Variants in PIEZO2 observed in about 807,000 individuals in gnomAD.
PIEZO2 encodes the protein piezo type mechanosensitive ion channel component 2, also known as piezo-type mechanosensitive ion channel component 2.
PIEZO2 carries 172 observed loss-of-function variants against 337.3 expected under a neutral mutation model. The ratio of observed to expected loss-of-function variants is 0.51; its 90% CI spans 0.45 to 0.58. The LOEUF is 0.58. PIEZO2 is among the 20% of genes least tolerant of loss of function. The pLI is 0.00. For synonymous variants in PIEZO2, 1,251 were observed against 1,228.5 expected (o/e 1.02, Z -0.38); for missense variants, 3,028 against 3,391.3 (o/e 0.89, Z 2.66).
In PIEZO2 at chr18:10,899,775, C is replaced by T. The variant is rs1001337134; in HGVS notation, c.329+11411G>A. On this transcript the variant is annotated intron_variant, in intron 4 of 55. Coordinates refer to ENST00000674853, the MANE Select transcript of PIEZO2 (RefSeq NM_001378183.1). This position sits in a 1 kb window ranked among gnomAD's most constrained non-coding sequence, Gnocchi z 4.6. Reference sequence around the variant, plus strand: ...ACATATAGTTCATCTCTTCATGCCCCTCATGAAACCTACAATGTTCATGCT... The same window carrying T: ...ACATATAGTTCATCTCTTCATGCCCTTCATGAAACCTACAATGTTCATGCT... Among the ~76,000 whole-genome samples, 1 of 152,176 alleles carries T rather than the reference C, an allele frequency of 6.6e-6. No individual in the cohort carries two copies. The highest frequency in any genetic ancestry group is 6.5e-5 in the Admixed American group (1 of 15,272).
At chr18:11,103,077 C>A (rs374548983) in intron 1 of PIEZO2, among the ~76,000 whole-genome samples, 1 of 152,002 alleles carries the variant, frequency 6.6e-6, no homozygotes, top group South Asian at 2.1e-4. Context: ...GGATGTGTCC[C>A]CCACATAAAA....
Position 10,733,134 on chromosome 18 carries a change from T to G in PIEZO2, c.4915-1613A>C, listed in dbSNP as rs566992703. On this transcript the variant is annotated intron_variant, in intron 35 of 55. Coordinates refer to ENST00000674853, the MANE Select transcript of PIEZO2 (RefSeq NM_001378183.1). The stretch of plus-strand genomic sequence containing the variant: ...GAAGAAGTCTTGTAGAAAGGGTGGG[T>G]GCCATTAACATTTTGGTTTATAAAA... Among the ~76,000 whole-genome samples the G allele has an allele frequency of 9.2e-5, 14 of 152,044 alleles. No homozygotes were observed. In the South Asian group the frequency reaches 1.9e-3, roughly 20 times the overall value.
At chr18:11,067,415 T>C (rs2145922961) in intron 1 of PIEZO2, among the ~76,000 whole-genome samples, 1 of 152,194 alleles carries the variant, frequency 6.6e-6, no homozygotes, top group South Asian at 2.1e-4. Context: ...TGAATGTAAA[T>C]GGATTAAATT....
chr18:11,050,728 A>C (rs981213905), intron 2 of PIEZO2, among the ~76,000 whole-genome samples: 1 of 152,018 alleles, frequency 6.6e-6, no homozygotes, highest in Non-Finnish European at 1.5e-5. Flanking sequence ...AAGCACAGTA[A>C]GCCCCTCCCT....
intron 1 of PIEZO2, among the ~76,000 whole-genome samples, chr18:11,140,468 C>G (rs1429752675): frequency 6.6e-6 from 1 of 152,204 alleles, no homozygotes; most frequent in Non-Finnish European, 1.5e-5. Flanking sequence ...ACCCTAATAC[C>G]CATTCCCACA....
At chr18:11,138,620 A>G (rs2040554661) in intron 1 of PIEZO2, among the ~76,000 whole-genome samples, 1 of 152,194 alleles carries the variant, frequency 6.6e-6, no homozygotes, top group African/African-American at 2.4e-5. Context: ...AATAGCTGCT[A>G]TCTGTATATT....
Position 11,038,745 on chromosome 18 carries a change from G to A in PIEZO2, c.160+27382C>T, listed in dbSNP as rs553890296. On this transcript the variant is annotated intron_variant, in intron 2 of 55. Transcript: ENST00000674853. This position sits in a 1 kb window ranked among gnomAD's most constrained non-coding sequence, Gnocchi z 4.1. The stretch of plus-strand genomic sequence containing the variant: ...ATTTCAATTTCTGCATTGATTAAAT[G>A]TATAATACATGCATACATACAAATA... 6.6e-6 allele frequency among the ~76,000 whole-genome samples: 1 copy of A among 152,254 alleles called. No individual in the cohort carries two copies. Among genetic ancestry groups the A allele is most frequent in the South Asian group, 2.1e-4 (1 of 4,812 alleles).
chr18:10,758,762 A>G (rs143217991), intron 26 of PIEZO2, among the ~76,000 whole-genome samples: 1 of 152,176 alleles, frequency 6.6e-6, no homozygotes, highest in Admixed American at 6.5e-5. Flanking sequence ...CCAAAGCAGA[A>G]GCCACACTGC....
intron 15 of PIEZO2, among the ~76,000 whole-genome samples, chr18:10,787,699 C>T (rs558678057): frequency 6.6e-6 from 1 of 152,254 alleles, no homozygotes; most frequent in Non-Finnish European, 1.5e-5. Flanking sequence ...TAAGAGTATT[C>T]AAAAGTTCAC....
rs190217517 is a variant in PIEZO2 at position 10,784,102 on chromosome 18, A to C, written c.2492+682T>G. Among the ~76,000 whole-genome samples, 2 of 152,314 alleles carry C rather than the reference A, an allele frequency of 1.3e-5. No individual in the cohort carries two copies. The highest frequency in any genetic ancestry group is 4.8e-5 in the African/African-American group (2 of 41,570). ...GGAAAACCATTGTCAGCGTTCACTA[A>C]AAGAATGCTTGTGATCTCCCCGTGA... On this transcript the variant is annotated intron_variant, in intron 17 of 55. Transcript: ENST00000674853. This position sits in a 1 kb window ranked among gnomAD's most constrained non-coding sequence, Gnocchi z 4.5.
intron 11 of PIEZO2, among the ~76,000 whole-genome samples, chr18:10,799,672 G>A (rs1056240854): frequency 7.9e-5 from 12 of 152,004 alleles, no homozygotes; most frequent in Admixed American, 6.6e-4. Context: ...ACAAAAAAAA[G>A]GACTCTTAAA....
chr18:10,923,836 C>T (rs570200439), intron 3 of PIEZO2, among the ~76,000 whole-genome samples: 1 of 152,252 alleles, frequency 6.6e-6, no homozygotes, highest in South Asian at 2.1e-4. Context: ...GCCTTGAATC[C>T]CCACTTGCCT....
In PIEZO2 at chr18:10,979,955, T is replaced by G. The variant is rs1431398692; in HGVS notation, c.161-295A>C. ...AAAAAGGTCCTGGACCAAAACATTTTACAAGGAAGTGCTGCCAACTTTGAA... is the reference window on the plus strand; with the variant it reads ...AAAAAGGTCCTGGACCAAAACATTTGACAAGGAAGTGCTGCCAACTTTGAA... On this transcript the variant is annotated intron_variant, in intron 2 of 55. Coordinates refer to ENST00000674853, the MANE Select transcript of PIEZO2 (RefSeq NM_001378183.1). The surrounding 1 kb of genome is among the most constrained non-coding windows in gnomAD (Gnocchi z 4.0). Among the ~76,000 whole-genome samples, 2 of 152,206 alleles carry G rather than the reference T, an allele frequency of 1.3e-5. No homozygotes were observed. Among genetic ancestry groups the G allele is most frequent in the African/African-American group, 4.8e-5 (2 of 41,452 alleles).
chr18:10,821,366 G>T lies in PIEZO2; in HGVS notation c.918-14092C>A, dbSNP rs2040516401. ...CTAGTTTTCTCTTTGATTATAGGAG[G>T]ATAGCTGGTCTAGTACACTTCACAT... On this transcript the variant is annotated intron_variant, in intron 7 of 55. Coordinates refer to ENST00000674853, the MANE Select transcript of PIEZO2 (RefSeq NM_001378183.1). This position sits in a 1 kb window ranked among gnomAD's most constrained non-coding sequence, Gnocchi z 4.2. Among the ~76,000 whole-genome samples, 1 of 152,096 alleles carries T rather than the reference G, an allele frequency of 6.6e-6. No individual in the cohort carries two copies. Among genetic ancestry groups the T allele is most frequent in the East Asian group, 1.9e-4 (1 of 5,186 alleles).
intron 28 of PIEZO2, among the ~76,000 whole-genome samples, chr18:10,751,747 G>A (rs1200317097): frequency 6.6e-6 from 1 of 152,182 alleles, no homozygotes; most frequent in African/African-American, 2.4e-5. Flanking sequence ...CTGAGACGCA[G>A]GCACAGGGAT....
chr18:10,722,946 A>G (rs1287920388), intron 36 of PIEZO2, among the ~76,000 whole-genome samples: 1 of 148,726 alleles, frequency 6.7e-6, no homozygotes, highest in Non-Finnish European at 1.5e-5. Flanking sequence ...GCATGTGTCC[A>G]GGATGCAGTG....
In PIEZO2 at chr18:11,112,453, C is replaced by T. The variant is rs1339714460; in HGVS notation, c.64+36072G>A. 6.6e-6 allele frequency among the ~76,000 whole-genome samples: 1 copy of T among 152,150 alleles called. No homozygotes were observed. The highest frequency in any genetic ancestry group is 2.4e-5 in the African/African-American group (1 of 41,434). Reference sequence around the variant, plus strand: ...AGTGTCATGACCAAAATATGTACTCCAACTCCATCATTTATTTACATGGAA... The same window carrying T: ...AGTGTCATGACCAAAATATGTACTCTAACTCCATCATTTATTTACATGGAA... On this transcript the variant is annotated intron_variant, in intron 1 of 55. Coordinates refer to ENST00000674853, the MANE Select transcript of PIEZO2 (RefSeq NM_001378183.1). This position sits in a 1 kb window ranked among gnomAD's most constrained non-coding sequence, Gnocchi z 4.3.
In PIEZO2 at chr18:11,133,019, G is replaced by C. The variant is rs1389944584; in HGVS notation, c.64+15506C>G. Among the ~76,000 whole-genome samples, 4 of 152,160 alleles carry C rather than the reference G, an allele frequency of 2.6e-5. No homozygotes were observed. In the East Asian group the frequency reaches 7.7e-4, roughly 29 times the overall value. On this transcript the variant is annotated intron_variant, in intron 1 of 55. Coordinates refer to ENST00000674853, the MANE Select transcript of PIEZO2 (RefSeq NM_001378183.1). ...TCCTGAGATGCTTGCTGAAGGCAAA[G>C]GGGATACAGAATGGGTAGTAGAAGA...
chr18:10,706,419 C>T (rs2035589170), intron 40 of PIEZO2, among the ~76,000 whole-genome samples: 1 of 152,186 alleles, frequency 6.6e-6, no homozygotes, highest in Admixed American at 6.5e-5. Context: ...CAGGGCTTCC[C>T]CTTCCCTGTG....
Sources: gnomAD v4.1 joint callset for allele counts (sites outside exome capture counted in the v4.1 genomes callset) on GRCh38, gnomAD v4.1.1 for gene constraint, Gnocchi (gnomAD v3.1) non-coding constraint, MANE v1.5 for transcripts, NCBI Gene and HGNC (gene_info 2026-07-23, HGNC 2026-07-21) for gene names.